Variants in ADA2 observed in about 807,000 individuals in gnomAD.
ADA2 encodes the protein adenosine deaminase CECR1.
ADA2 carries 29 observed loss-of-function variants against 44.2 expected under a neutral mutation model. The observed-to-expected ratio is 0.66, with a 90% confidence interval of 0.49 to 0.89. ADA2 has a LOEUF of 0.89. ADA2 is among the 40% of genes least tolerant of loss of function. ADA2 has a pLI of 0.00. For missense variants in ADA2, 637 were observed against 644.8 expected, an observed-to-expected ratio of 0.99 and a Z score of 0.13; for synonymous variants, 215 against 234.9, an observed-to-expected ratio of 0.92 and a Z score of 0.77.
At chr22:17,200,337 C>T (rs1398818233) in intron 4 of ADA2, among the ~76,000 whole-genome samples, 3 of 152,160 alleles carry the variant, frequency 2.0e-5, no homozygotes, top group Non-Finnish European at 4.4e-5. Context: ...AGATGAGACC[C>T]TCTCTTTTCT....
At chr22:17,187,177 A>AC (rs1302072082) in intron 7 of ADA2, among the ~76,000 whole-genome samples, 2 of 151,788 alleles carry the variant, frequency 1.3e-5, no homozygotes, top group Admixed American at 1.3e-4. Flanking sequence ...AAAAAAAAAA[A>AC]AAAAAAATTT....
intron 7 of ADA2, among the ~76,000 whole-genome samples, chr22:17,186,261 G>A (rs564265980): frequency 1.6e-4 from 24 of 152,168 alleles, no homozygotes; most frequent in African/African-American, 3.6e-4. Flanking sequence ...GATGGAGAGC[G>A]TCAGAAAGTG....
intron 1 of ADA2, among the ~76,000 whole-genome samples, chr22:17,218,075 T>C (rs1190656711): frequency 1.3e-5 from 2 of 152,174 alleles, no homozygotes; most frequent in Non-Finnish European, 2.9e-5. Flanking sequence ...GTGGCATAAA[T>C]ACAATCTTAG....
intron 4 of ADA2, among the ~76,000 whole-genome samples, chr22:17,197,152 G>A (rs2062202110): frequency 1.3e-5 from 2 of 152,154 alleles, no homozygotes; most frequent in South Asian, 4.1e-4. Flanking sequence ...CAGCCTGGAC[G>A]ACAGATTGGT....
chr22:17,195,275 T>C (rs145389201), intron 4 of ADA2, among the ~76,000 whole-genome samples: 209 of 152,226 alleles, frequency 1.4e-3, no homozygotes, highest in African/African-American at 4.8e-3. Flanking sequence ...TCCCAGCACT[T>C]TGGGAGGCGG....
chr22:17,215,605 CAAA>C, intron 1 of ADA2, among the ~76,000 whole-genome samples: 1 of 124,380 alleles, frequency 8.0e-6, no homozygotes. Flanking sequence ...GACTCCGTCT[CAAA>C]AAAAAAAAAA....
At chr22:17,182,109 G>C in intron 8 of ADA2, 87 bp from the exon 9 acceptor site, 12 of 1,030,408 alleles carry the variant, frequency 1.2e-5, no homozygotes, top group Non-Finnish European at 1.7e-5. Flanking sequence ...AGCCCCATCA[G>C]CTCCCTTCAT....
At chr22:17,182,827 G>A in intron 7 of ADA2, 66 bp from the exon 8 acceptor site, 1 of 1,560,394 alleles carries the variant, frequency 6.4e-7, no homozygotes, top group South Asian at 1.1e-5. Context: ...GGGATGGATG[G>A]GTCTGACCCA....
chr22:17,199,506 A>T, intron 4 of ADA2: 1 of 1,521,034 alleles, frequency 6.6e-7, no homozygotes, highest in Non-Finnish European at 8.9e-7. Context: ...CTCCCACACC[A>T]AGACAGTTGT....
At chr22:17,221,142 C>CAAA (rs111835390), upstream of ADA2, among the ~76,000 whole-genome samples, 4 of 129,164 alleles carry the variant, frequency 3.1e-5, no homozygotes, top group African/African-American at 1.1e-4. Flanking sequence ...GATTTTGTCT[C>CAAA]AAAAAAAAAA....
At position 17,188,427 on chromosome 22, in the gene ADA2, G is replaced by A. The variant is rs1366514227; in HGVS notation, c.993C>T (p.Gly331=). The change falls in exon 7 of 10, where the codon GGC becomes GGT. Residue 331 remains glycine (G), a synonymous_variant. Transcript: ENST00000399837. ...CTTCCTTGTAGTCATGCAAGGAGTG[G>A]CCAGTGTCCTCATGCCCCACCTGCA... ...GFDLVGHEDT[G]HSLHDYKEAL... is the part of the protein sequence containing the mutation. The A allele has an allele frequency of 1.9e-6, 3 of 1,613,484 alleles. No homozygotes were observed. The highest frequency in any genetic ancestry group is 1.3e-5 in the African/African-American group (1 of 75,040).
chr22:17,197,206 C>T (rs1262229337), intron 4 of ADA2, among the ~76,000 whole-genome samples: 2 of 152,060 alleles, frequency 1.3e-5, no homozygotes, highest in African/African-American at 4.8e-5. Flanking sequence ...GGTCATACAA[C>T]TGGTTTGTAT....
At chr22:17,184,547 G>A (rs1313769339) in intron 7 of ADA2, among the ~76,000 whole-genome samples, 2 of 152,154 alleles carry the variant, frequency 1.3e-5, no homozygotes, top group Non-Finnish European at 2.9e-5. Flanking sequence ...TCTTACGTGA[G>A]ATAACAAATG....
At chr22:17,191,569 G>A (rs574313026) in intron 5 of ADA2, 114 bp downstream of exon 5, 3 of 1,188,572 alleles carry the variant, frequency 2.5e-6, no homozygotes, top group African/African-American at 3.0e-5. Flanking sequence ...TGGCACCAGT[G>A]CTGGGCCTCT....
chr22:17,200,876 C>G, intron 4 of ADA2, among the ~76,000 whole-genome samples: 1 of 119,186 alleles, frequency 8.4e-6, no homozygotes, highest in Non-Finnish European at 1.8e-5. Context: ...GAGCGAAACT[C>G]TGCCTCAAAA....
intron 3 of ADA2, 38 bp downstream of exon 3, chr22:17,207,033 A>C: frequency 6.0e-6 from 9 of 1,500,552 alleles, no homozygotes; most frequent in Non-Finnish European, 8.3e-6. Context: ...CCACCCCATG[A>C]CAGGCCTGGG....
At chr22:17,213,586 A>C in intron 1 of ADA2, 1 of 292,534 alleles carries the variant, frequency 3.4e-6, no homozygotes, top group Non-Finnish European at 6.9e-6. Context: ...ACCAAGCGGA[A>C]GAAGAAAAAG....
chr22:17,199,420 C>CCCTCCCCTCCTCTATCCTCTTCCCCTT lies in ADA2; in HGVS notation c.753+4142_753+4143insAAGGGGAAGAGGATAGAGGAGGGGAGG. ...GAAAGCCTCTGTCTCAGCGTCTCCT[C>CCCTCCCCTCCTCTATCCTCTTCCCCTT]CCTCCCCTCCTCTATCCTCTTCCCC... On this transcript the variant is annotated intron_variant, in intron 4 of 9. Coordinates refer to ENST00000399837, the MANE Select transcript of ADA2 (RefSeq NM_001282225.2). The CCCTCCCCTCCTCTATCCTCTTCCCCTT allele has an allele frequency of 4.3e-6, 4 of 928,396 alleles. 1 individual carries two copies. Among genetic ancestry groups the CCCTCCCCTCCTCTATCCTCTTCCCCTT allele is most frequent in the Admixed American group, 3.7e-5 (2 of 54,728 alleles). 57.5% of individuals were successfully genotyped at this position (928,396 alleles called of 1,614,324 possible).
At chr22:17,206,416 TGCTGTGAGCCAAGATCAC>T (rs1274238842) in intron 3 of ADA2, among the ~76,000 whole-genome samples, 3 of 83,956 alleles carry the variant, frequency 3.6e-5, no homozygotes, top group African/African-American at 1.3e-4. Flanking sequence ...AAGATCAGGC[TGCTGTGAGCCAAGATCAC>T]GCCACTACAC....
Sources: gnomAD v4.1 joint callset for allele counts (sites outside exome capture counted in the v4.1 genomes callset) on GRCh38, gnomAD v4.1.1 for gene constraint, MANE v1.5 for transcripts, NCBI Gene and HGNC (gene_info 2026-07-23, HGNC 2026-07-21) for gene names.